Variants in FBXL13 observed in about 807,000 individuals in gnomAD.
FBXL13 encodes the protein F-box and leucine rich repeat protein 13.
FBXL13 carries 67 observed loss-of-function variants against 83.6 expected under a neutral mutation model. The ratio of observed to expected loss-of-function variants is 0.80; its 90% CI spans 0.66 to 0.98. The LOEUF is 0.98. FBXL13 is among the 50% of genes least tolerant of loss of function. The probability of loss-of-function intolerance (pLI) is 0.00; values close to 1 mark genes in which losing one functional copy is unlikely to be tolerated. For synonymous variants in FBXL13, 272 were observed against 299.5 expected, an observed-to-expected ratio of 0.91 and a Z score of 0.95; for missense variants, 822 against 866.5, an observed-to-expected ratio of 0.95 and a Z score of 0.64.
chr7:102,906,347 A>C (rs971551789), intron 11 of FBXL13, among the ~76,000 whole-genome samples: 40 of 152,156 alleles, frequency 2.6e-4, no homozygotes, highest in African/African-American at 8.9e-4. Flanking sequence ...GTTATTTTTA[A>C]TTGGTTCATC....
At chr7:102,831,437 C>A (rs1196162233) in intron 18 of FBXL13, among the ~76,000 whole-genome samples, 3 of 147,118 alleles carry the variant, frequency 2.0e-5, no homozygotes, top group Non-Finnish European at 4.5e-5. Context: ...ACACACCCCA[C>A]TACAGAGAGT....
chr7:102,991,843 G>A (rs1829588800), intron 6 of FBXL13, among the ~76,000 whole-genome samples: 1 of 152,198 alleles, frequency 6.6e-6, no homozygotes, highest in South Asian at 2.1e-4. Context: ...GCATGAGTCA[G>A]GAATAAGTGG....
At chr7:103,073,910 A>G (rs1483394059) in intron 1 of FBXL13, among the ~76,000 whole-genome samples, 1 of 152,086 alleles carries the variant, frequency 6.6e-6, no homozygotes, top group Non-Finnish European at 1.5e-5. Context: ...TACTGCACCA[A>G]CATCCCCATC....
exon 13 of FBXL13, chr7:102,883,630 T>C (rs751019481): frequency 1.2e-6 from 2 of 1,612,822 alleles, no homozygotes; most frequent in Admixed American, 1.7e-5. Context: ...ATCGGAGATA[T>C]GCGGTGCACC....
At chr7:103,047,500 A>G (rs544222214) in intron 2 of FBXL13, among the ~76,000 whole-genome samples, 1 of 152,316 alleles carries the variant, frequency 6.6e-6, no homozygotes, top group Admixed American at 6.5e-5. Context: ...CAATTTCACT[A>G]TCGGCTGGTT....
At chr7:102,954,068 C>T (rs192374580) in intron 8 of FBXL13, among the ~76,000 whole-genome samples, 3 of 152,114 alleles carry the variant, frequency 2.0e-5, no homozygotes, top group Admixed American at 6.6e-5. Context: ...GTTCATCTCA[C>T]TGGGACTGGT....
At chr7:102,949,454 C>T (rs1823069166) in intron 8 of FBXL13, among the ~76,000 whole-genome samples, 1 of 152,076 alleles carries the variant, frequency 6.6e-6, no homozygotes, top group South Asian at 2.1e-4. Flanking sequence ...GCCCTAGTGT[C>T]CATCATTCCT....
intron 6 of FBXL13, among the ~76,000 whole-genome samples, chr7:102,993,454 T>C (rs1415887669): frequency 6.6e-6 from 1 of 152,214 alleles, no homozygotes; most frequent in Non-Finnish European, 1.5e-5. Flanking sequence ...TTGTTTAAAA[T>C]GAAGACAACC....
chr7:103,036,210 T>A (rs1795051212), intron 2 of FBXL13, among the ~76,000 whole-genome samples: 1 of 152,004 alleles, frequency 6.6e-6, no homozygotes. Context: ...ATGGAAAAAA[T>A]TTCTTCCACA....
chr7:102,813,370 G>A lies in FBXL13; in HGVS notation c.2180C>T (p.Thr727Ile), dbSNP rs770663133. Residue 727 changes from threonine (T) to isoleucine (I), a missense_variant, in exon 20 of 20, where the codon ACA (threonine) becomes ATA (isoleucine). Physicochemically the swap from Thr to Ile is moderately conservative, Grantham distance 89 (BLOSUM62 -1). Transcript: ENST00000313221. ...CGCTGCTTGGTCTTCACTGCTGTAT[G>A]TTGACTTTTTCACTGTTAATTCTAA... 9.3e-6 allele frequency: 15 copies of A among 1,613,742 alleles called. No individual in the cohort carries two copies. In the Admixed American group the frequency reaches 2.5e-4, roughly 27 times the overall value.
chr7:102,813,174 A>C (rs1296950219), downstream of FBXL13: 3 of 671,164 alleles, frequency 4.5e-6, no homozygotes, highest in Non-Finnish European at 7.3e-6. Context: ...ATTTAGACAG[A>C]AGAACTACTG....
chr7:102,963,234 T>A (rs545520665), intron 8 of FBXL13, among the ~76,000 whole-genome samples: 4 of 150,718 alleles, frequency 2.7e-5, no homozygotes, highest in African/African-American at 9.7e-5. Flanking sequence ...GGCACGAAAA[T>A]CATTTGAACC....
intron 2 of FBXL13, among the ~76,000 whole-genome samples, chr7:103,041,580 A>C (rs1411771695): frequency 6.6e-6 from 1 of 152,216 alleles, no homozygotes; most frequent in Non-Finnish European, 1.5e-5. Flanking sequence ...TTAATAAAAT[A>C]CTGGAAAACT....
intron 11 of FBXL13, among the ~76,000 whole-genome samples, chr7:102,898,070 A>G (rs1015797893): frequency 1.3e-5 from 2 of 152,188 alleles, no homozygotes; most frequent in Admixed American, 1.3e-4. Flanking sequence ...TCTAAATCAT[A>G]AAAGTGTCAT....
At chr7:102,842,738 C>T (rs1803181842) in intron 17 of FBXL13, among the ~76,000 whole-genome samples, 1 of 152,158 alleles carries the variant, frequency 6.6e-6, no homozygotes, top group Admixed American at 6.5e-5. Context: ...ACTCCTGGGC[C>T]TTTCTGACCT....
intron 17 of FBXL13, among the ~76,000 whole-genome samples, chr7:102,838,950 G>A (rs1481786178): frequency 6.6e-6 from 1 of 152,204 alleles, no homozygotes; most frequent in Admixed American, 6.5e-5. Flanking sequence ...GTGCTGAGGA[G>A]GATAGTAAAA....
At chr7:102,878,492 T>C in intron 14 of FBXL13, 42 bp from the exon 16 acceptor site, 2 of 1,413,234 alleles carry the variant, frequency 1.4e-6, no homozygotes, top group Non-Finnish European at 1.9e-6. Flanking sequence ...ATTCTATATA[T>C]AAACATATAG....
chr7:102,884,321 T>G lies in FBXL13; in HGVS notation c.1009-9A>C, dbSNP rs1488086996. 1.2e-6 allele frequency: 2 copies of G among 1,605,234 alleles called. No homozygotes were observed. The highest frequency in any genetic ancestry group is 2.2e-5 in the South Asian group (2 of 90,798). On this transcript the variant is annotated splice_polypyrimidine_tract_variant and intron_variant, in intron 11 of 19. Coordinates refer to ENST00000313221, the Ensembl canonical transcript of FBXL13. ...AAGCCTTGGACTGAAATCTGAATTGTACAGAGTAGAAAATAATGGGAGAAT... is the reference window on the plus strand; with the variant it reads ...AAGCCTTGGACTGAAATCTGAATTGGACAGAGTAGAAAATAATGGGAGAAT...
chr7:102,884,302 TG>T lies in FBXL13; in HGVS notation c.1018del (p.Gln340LysfsTer24). 3 of 1,613,240 alleles carry T rather than the reference TG, an allele frequency of 1.9e-6. No individual in the cohort carries two copies. The highest frequency in any genetic ancestry group is 2.5e-6 in the Non-Finnish European group (3 of 1,179,356). The stretch of plus-strand genomic sequence containing the variant: ...GCTGTTTGCAATGTACCTGAAGCCT[TG>T]GACTGAAATCTGAATTGTACAGAGT... On this transcript the variant is annotated frameshift_variant, in exon 12 of 20. Transcript: ENST00000313221. LOFTEE classifies it high-confidence loss of function.
Sources: allele counts gnomAD v4.1 joint callset (sites outside exome capture counted in the v4.1 genomes callset), GRCh38; gene constraint gnomAD v4.1.1; transcripts MANE v1.5; gene names NCBI Gene and HGNC (gene_info 2026-07-23, HGNC 2026-07-21).